The following MCF2L2 variants were observed in gnomAD, a reference collection of about 807,000 sequenced individuals.
The protein encoded by MCF2L2 is probable guanine nucleotide exchange factor MCF2L2.
A neutral mutation model predicts 150.2 loss-of-function variants in MCF2L2; 102 were observed. The observed-to-expected ratio is 0.68, with a 90% CI of 0.58 to 0.80. The LOEUF (loss-of-function observed/expected upper bound fraction) is 0.80, where lower values mean the gene tolerates loss of function less well. MCF2L2 is among the 30% of genes least tolerant of loss of function. The probability of loss-of-function intolerance (pLI) is 0.00; values close to 1 mark genes in which losing one functional copy is unlikely to be tolerated. For missense variants in MCF2L2, 1,256 were observed against 1,372.8 expected, an observed-to-expected ratio of 0.91 and a Z score of 1.34; for synonymous variants, 465 against 491.3, an observed-to-expected ratio of 0.95 and a Z score of 0.71.
intron 28 of MCF2L2, 28 bp downstream of exon 28, chr3:183,180,043 A>G: frequency 6.4e-7 from 1 of 1,559,390 alleles, no homozygotes; most frequent in Non-Finnish European, 8.8e-7. Flanking sequence ...AGGGAAGAAG[A>G]TGAAAGAAAC....
intron 15 of MCF2L2, chr3:183,253,705 C>CGGAACCGGTGTCCCGTGTGGGA (rs1724726293): frequency 6.6e-6 from 1 of 152,402 alleles, no homozygotes; most frequent in Admixed American, 6.5e-5. Flanking sequence ...CGCGGCGCTG[C>CGGAACCGGTGTCCCGTGTGGGA]GGAACCGGTG....
At chr3:183,311,543 C>T (rs3732595) in intron 8 of MCF2L2, 105 bp downstream of exon 8, 271,061 of 1,298,858 alleles carry the variant, frequency 0.21, 30,393 homozygotes, top group East Asian at 0.37. Context: ...TCCTTGGCCC[C>T]ACCAAGACCC....
chr3:183,265,610 G>A (rs946475623), intron 15 of MCF2L2: 1 of 152,310 alleles, frequency 6.6e-6, no homozygotes, highest in African/African-American at 2.4e-5. Context: ...CAGGCCGGGG[G>A]AGGGCAGTGC....
At chr3:183,346,266 A>G (rs1411802337) in intron 3 of MCF2L2, among the ~76,000 whole-genome samples, 1 of 152,244 alleles carries the variant, frequency 6.6e-6, no homozygotes, top group African/African-American at 2.4e-5. Flanking sequence ...AACATATGCA[A>G]ATCAATAAAT....
intron 22 of MCF2L2, among the ~76,000 whole-genome samples, chr3:183,211,416 G>C (rs2108651622): frequency 6.6e-6 from 1 of 152,302 alleles, no homozygotes; most frequent in East Asian, 1.9e-4. Flanking sequence ...CATATCCTCT[G>C]GGTCATGTTG....
At chr3:183,404,089 T>TA (rs1366967011) in intron 1 of MCF2L2, among the ~76,000 whole-genome samples, 1 of 151,998 alleles carries the variant, frequency 6.6e-6, no homozygotes, top group Non-Finnish European at 1.5e-5. Context: ...AACTGTAGAA[T>TA]AAAAAAACCT....
chr3:183,251,527 T>C (rs1414140228), intron 15 of MCF2L2, among the ~76,000 whole-genome samples: 1 of 152,168 alleles, frequency 6.6e-6, no homozygotes, highest in Non-Finnish European at 1.5e-5. Flanking sequence ...CATTCCAAAG[T>C]CATGTATAGA....
At position 183,428,081 on chromosome 3, in the gene MCF2L2, T is replaced by C; in HGVS notation, c.-104A>G. 1.2e-6 allele frequency: 1 copy of C among 858,166 alleles called. No individual in the cohort carries two copies. Among genetic ancestry groups the C allele is most frequent in the East Asian group, 2.5e-5 (1 of 40,680 alleles). 53.2% of individuals were successfully genotyped at this position (858,166 alleles called of 1,614,324 possible). A position where few individuals can be genotyped will look rare whatever the true frequency, so the allele number is the denominator to read the frequency against. ...ATCTCCGCCCAAGGATGCTCTGCCC[T>C]CGCCCTCTTCCTGGCTCTCCAGGCA... On this transcript the variant is annotated 5_prime_UTR_variant, in exon 1 of 30. Transcript: ENST00000328913. This position sits in a 1 kb window ranked among gnomAD's most constrained non-coding sequence, Gnocchi z 5.1.
intron 14 of MCF2L2, among the ~76,000 whole-genome samples, chr3:183,284,132 T>C (rs1200514072): frequency 6.6e-6 from 1 of 152,192 alleles, no homozygotes; most frequent in Non-Finnish European, 1.5e-5. Flanking sequence ...GTCATTTCTT[T>C]ATTGGTGAAA....
intron 15 of MCF2L2, among the ~76,000 whole-genome samples, chr3:183,245,896 T>G (rs1724231509): frequency 6.6e-6 from 1 of 152,222 alleles, no homozygotes; most frequent in African/African-American, 2.4e-5. Context: ...CTGCTTTGTA[T>G]CTCAGTTTCT....
rs1294381195 is a variant in MCF2L2, at chr3:183,386,948, T to G, written c.160+2748A>C. On this transcript the variant is annotated intron_variant, in intron 2 of 29. Coordinates refer to ENST00000328913, the MANE Select transcript of MCF2L2 (RefSeq NM_015078.4). ...ATTACTATCACAGCGAATCCATGCT[T>G]CTGCTTCATAAGAAAGGCAAATTTG... 2.0e-5 allele frequency among the ~76,000 whole-genome samples: 3 copies of G among 152,180 alleles called. No homozygotes were observed. The East Asian group carries it at 5.8e-4, about 29-fold the overall frequency.
chr3:183,228,318 C>T lies in MCF2L2; in HGVS notation c.2094G>A (p.Leu698=), dbSNP rs1308487239. Residue 698 remains leucine, a synonymous_variant, in exon 18 of 30, where the codon CTG becomes CTA. Coordinates refer to ENST00000328913, the MANE Select transcript of MCF2L2 (RefSeq NM_015078.4). The stretch of plus-strand genomic sequence containing the variant: ...TTACTCTCTTGAGAAAGCAATGTGC[C>T]AGAAGTTCAGGGTTCTCAGCACACT... ...LEKCAENPEL[L]AHCFLKRKED... 1 of 1,613,266 alleles carries T rather than the reference C, an allele frequency of 6.2e-7. No individual in the cohort carries two copies. Among genetic ancestry groups the T allele is most frequent in the African/African-American group, 1.3e-5 (1 of 74,854 alleles).
intron 25 of MCF2L2, among the ~76,000 whole-genome samples, chr3:183,201,785 T>C (rs1325576083): frequency 6.6e-6 from 1 of 152,218 alleles, no homozygotes; most frequent in Non-Finnish European, 1.5e-5. Context: ...TCTCATTATT[T>C]TGAGATACGT....
intron 15 of MCF2L2, among the ~76,000 whole-genome samples, chr3:183,246,451 G>A (rs922175138): frequency 6.6e-6 from 1 of 152,064 alleles, no homozygotes; most frequent in African/African-American, 2.4e-5. Flanking sequence ...TTCATCCTTT[G>A]GTGTCTGGCT....
chr3:183,318,854 T>C (rs1729700013), intron 6 of MCF2L2, among the ~76,000 whole-genome samples: 2 of 152,232 alleles, frequency 1.3e-5, no homozygotes, highest in Admixed American at 1.3e-4. Context: ...TGTTAAAAAA[T>C]GCTAACCATC....
chr3:183,210,366 T>C (rs1196509344), intron 22 of MCF2L2, among the ~76,000 whole-genome samples: 1 of 152,214 alleles, frequency 6.6e-6, no homozygotes, highest in African/African-American at 2.4e-5. Context: ...TAAACTTGGC[T>C]CTGACTTTCT....
At chr3:183,253,864 C>A (rs1279867258) in intron 15 of MCF2L2, 3 of 152,276 alleles carry the variant, frequency 2.0e-5, no homozygotes, top group African/African-American at 7.2e-5. Flanking sequence ...TGTGCCGCGG[C>A]CGCATCTTTC....
At chr3:183,185,652 C>G (rs1235542474) in intron 27 of MCF2L2, among the ~76,000 whole-genome samples, 1 of 152,198 alleles carries the variant, frequency 6.6e-6, no homozygotes, top group Non-Finnish European at 1.5e-5. Flanking sequence ...GTGTCACATT[C>G]TGTCTGATCC....
intron 13 of MCF2L2, 84 bp from the exon 14 acceptor site, chr3:183,289,304 ACCACGT>A: frequency 1.1e-6 from 1 of 891,774 alleles, no homozygotes; most frequent in Non-Finnish European, 1.8e-6. Flanking sequence ...AAATAGCTGG[ACCACGT>A]CAATGTGGCT....
Sources: allele counts gnomAD v4.1 joint callset (sites outside exome capture counted in the v4.1 genomes callset), GRCh38; gene constraint gnomAD v4.1.1; non-coding constraint Gnocchi (gnomAD v3.1); transcripts MANE v1.5; gene names NCBI Gene and HGNC (gene_info 2026-07-23, HGNC 2026-07-21).